Variants in FLRT1 observed in about 807,000 individuals in gnomAD.
The protein encoded by FLRT1 is leucine-rich repeat transmembrane protein FLRT1.
Under a neutral mutation model 30.9 loss-of-function variants are expected in FLRT1, and 14 were observed. That is an observed-to-expected ratio of 0.45 (90% CI 0.30 to 0.71). The LOEUF (loss-of-function observed/expected upper bound fraction) is 0.71. Ranked by LOEUF, FLRT1 falls within the 30% of genes least tolerant of loss-of-function variation. The pLI, the probability that FLRT1 is intolerant of heterozygous loss-of-function variation, is 0.08. For synonymous variants in FLRT1, 368 were observed against 430.4 expected (o/e 0.85, Z 1.80); for missense variants, 737 against 949.2 (o/e 0.78, Z 2.94).
At chr11:64,049,214 C>T (rs1167659953) in intron 1 of FLRT1, among the ~76,000 whole-genome samples, 1 of 152,140 alleles carries the variant, frequency 6.6e-6, no homozygotes, top group African/African-American at 2.4e-5. Context: ...TGGAAGGACC[C>T]CCAGAGACCA....
Position 64,117,365 on chromosome 11 carries a change from G to A in FLRT1, c.1098G>A (p.Met366Ile). Reference protein sequence around the residue: ...MCQGPEKVRGMAIKDITSEMD... With the variant: ...MCQGPEKVRGIAIKDITSEMD... ...AGGGCCCTGAGAAGGTCCGGGGCATGGCCATCAAGGACATTACCAGCGAGA... is the reference window on the plus strand; with the variant it reads ...AGGGCCCTGAGAAGGTCCGGGGCATAGCCATCAAGGACATTACCAGCGAGA... Residue 366 changes from methionine (M) to isoleucine (I), a missense_variant, in exon 3 of 3, where the codon ATG (methionine) becomes ATA (isoleucine). Coordinates refer to ENST00000682287, the MANE Select transcript of FLRT1 (RefSeq NM_013280.5). 1 of 1,613,386 alleles carries A rather than the reference G, an allele frequency of 6.2e-7. No homozygotes were observed.
Position 64,117,234 on chromosome 11 carries a change from C to T in FLRT1, c.967C>T (p.Leu323=), listed in dbSNP as rs373211331. 2 of 1,614,092 alleles carry T rather than the reference C, an allele frequency of 1.2e-6. No individual in the cohort carries two copies. The highest frequency in any genetic ancestry group is 1.3e-5 in the African/African-American group (1 of 74,954). The change falls in exon 3 of 3, where the codon CTG becomes TTG. Residue 323 remains leucine, a synonymous_variant. Transcript: ENST00000682287. ...LFDDLGNLAQ[L]LLRNNPWFCG... is the part of the protein sequence containing the mutation. ...CGACGACCTGGGGAACCTGGCCCAG[C>T]TGCTGCTCAGGAACAACCCTTGGTT...
chr11:64,062,994 C>T (rs1435351325), intron 1 of FLRT1, among the ~76,000 whole-genome samples: 1 of 152,224 alleles, frequency 6.6e-6, no homozygotes, highest in Non-Finnish European at 1.5e-5. Context: ...GGACAGGGCT[C>T]CCGGCCCATC....
intron 1 of FLRT1, among the ~76,000 whole-genome samples, chr11:64,065,850 G>C (rs1014441390): frequency 1.3e-5 from 2 of 151,716 alleles, no homozygotes; most frequent in Non-Finnish European, 2.9e-5. Context: ...TGCACAGGCA[G>C]GCAGGTGGGA....
intron 1 of FLRT1, among the ~76,000 whole-genome samples, chr11:64,100,249 C>T (rs1164552970): frequency 3.3e-5 from 5 of 152,158 alleles, no homozygotes; most frequent in Non-Finnish European, 7.3e-5. Flanking sequence ...TCGGCCAAAA[C>T]GCAGAGGGTG....
At chr11:64,102,209 G>A (rs1190099135) in intron 1 of FLRT1, among the ~76,000 whole-genome samples, 1 of 152,194 alleles carries the variant, frequency 6.6e-6, no homozygotes, top group Non-Finnish European at 1.5e-5. Flanking sequence ...GTTCCTGCAG[G>A]GGGAATACAG....
chr11:64,051,006 C>T (rs1943683138), intron 1 of FLRT1, among the ~76,000 whole-genome samples: 1 of 152,228 alleles, frequency 6.6e-6, no homozygotes, highest in Non-Finnish European at 1.5e-5. Flanking sequence ...ATCCTCTGGA[C>T]CAGCCTTGCC....
At chr11:64,044,410 C>G (rs150950566) in intron 1 of FLRT1, among the ~76,000 whole-genome samples, 1 of 152,076 alleles carries the variant, frequency 6.6e-6, no homozygotes. Context: ...CACCAACACA[C>G]TGGCTAATTT....
Position 64,067,096 on chromosome 11 carries a change from A to C in FLRT1, c.-1038+30937A>C, listed in dbSNP as rs1192292635. Among the ~76,000 whole-genome samples the C allele has an allele frequency of 6.6e-6, 1 of 152,140 alleles. No homozygotes were observed. The highest frequency in any genetic ancestry group is 1.5e-5 in the Non-Finnish European group (1 of 68,026). On this transcript the variant is annotated intron_variant, in intron 1 of 2. Coordinates refer to ENST00000682287, the MANE Select transcript of FLRT1 (RefSeq NM_013280.5). The surrounding 1 kb of genome is among the most constrained non-coding windows in gnomAD (Gnocchi z 4.6). ...TTTGGGTAAACTAAGGCCTGGCAGA[A>C]TGGAAGCCATTCTCATTACACCACA...
At chr11:64,053,634 A>AG (rs537401415) in intron 1 of FLRT1, among the ~76,000 whole-genome samples, 1 of 152,098 alleles carries the variant, frequency 6.6e-6, no homozygotes, top group Non-Finnish European at 1.5e-5. Context: ...GGGGATCTAC[A>AG]GGGGGCAGCT....
intron 1 of FLRT1, among the ~76,000 whole-genome samples, chr11:64,069,547 G>A (rs1944067278): frequency 6.6e-6 from 1 of 152,198 alleles, no homozygotes; most frequent in Non-Finnish European, 1.5e-5. Flanking sequence ...GGGGAGGGAG[G>A]GGCTCTCCCT....
intron 1 of FLRT1, among the ~76,000 whole-genome samples, chr11:64,055,368 G>T (rs1943765596): frequency 6.6e-6 from 1 of 152,236 alleles, no homozygotes; most frequent in Admixed American, 6.5e-5. Context: ...TTCTGGGTGG[G>T]TGGAGTTGCC....
At position 64,084,857 on chromosome 11, in the gene FLRT1, A is replaced by G. The variant is rs547385212; in HGVS notation, c.-1037-18337A>G. Reference sequence around the variant, plus strand: ...TGCCCCGGCCCGGGAGGGGCGCAAGACCACAGGACTCACAGGGAGAGCTGC... The same window carrying G: ...TGCCCCGGCCCGGGAGGGGCGCAAGGCCACAGGACTCACAGGGAGAGCTGC... On this transcript the variant is annotated intron_variant, in intron 1 of 2. Transcript: ENST00000682287. 8.5e-5 allele frequency among the ~76,000 whole-genome samples: 13 copies of G among 152,288 alleles called. No individual in the cohort carries two copies. In the East Asian group the frequency reaches 2.5e-3, roughly 29 times the overall value.
chr11:64,059,656 G>T (rs1420318654), intron 1 of FLRT1, among the ~76,000 whole-genome samples: 1 of 152,200 alleles, frequency 6.6e-6, no homozygotes, highest in Non-Finnish European at 1.5e-5. Context: ...GAAAAGTCCA[G>T]CCCTGCAGTG....
chr11:64,039,090 T>A (rs566513766), intron 1 of FLRT1, among the ~76,000 whole-genome samples: 1 of 152,136 alleles, frequency 6.6e-6, no homozygotes, highest in Non-Finnish European at 1.5e-5. Context: ...CCTCATCCCC[T>A]GCAGGCAGGG....
intron 2 of FLRT1, among the ~76,000 whole-genome samples, chr11:64,111,655 G>C (rs1489392754): frequency 6.6e-6 from 1 of 152,204 alleles, no homozygotes; most frequent in Non-Finnish European, 1.5e-5. Context: ...TGCCTGTGAA[G>C]GGGGGTGGGT....
intron 1 of FLRT1, among the ~76,000 whole-genome samples, chr11:64,070,851 G>A (rs1244914304): frequency 6.6e-6 from 1 of 152,218 alleles, no homozygotes; most frequent in Non-Finnish European, 1.5e-5. Flanking sequence ...GAAGAGGGGA[G>A]AGGAGGAAGG....
chr11:64,083,495 C>T (rs922291792), intron 1 of FLRT1, among the ~76,000 whole-genome samples: 2 of 152,180 alleles, frequency 1.3e-5, no homozygotes, highest in Admixed American at 6.5e-5. Flanking sequence ...CCAGCCTGTC[C>T]GCTTCGGGTG....
At position 64,078,113 on chromosome 11, in the gene FLRT1, G is replaced by A. The variant is rs150786652; in HGVS notation, c.-1037-25081G>A. Among the ~76,000 whole-genome samples the A allele has an allele frequency of 2.5e-3, 379 of 152,288 alleles. 1 individual carries two copies. Among genetic ancestry groups the A allele is most frequent in the African/African-American group, 8.7e-3 (363 of 41,568 alleles). On this transcript the variant is annotated intron_variant, in intron 1 of 2. Coordinates refer to ENST00000682287, the MANE Select transcript of FLRT1 (RefSeq NM_013280.5). Reference sequence around the variant, plus strand: ...ACTGCCCTGCGCACCTGCCGGCTTGGGGCTGCAGGCAGCACTCCTTTCCTT... The same window carrying A: ...ACTGCCCTGCGCACCTGCCGGCTTGAGGCTGCAGGCAGCACTCCTTTCCTT...
Sources: allele counts gnomAD v4.1 joint callset (sites outside exome capture counted in the v4.1 genomes callset), GRCh38; gene constraint gnomAD v4.1.1; non-coding constraint Gnocchi (gnomAD v3.1); transcripts MANE v1.5; gene names NCBI Gene and HGNC (gene_info 2026-07-23, HGNC 2026-07-21).